MRAS: variants seen among roughly 807,000 people sequenced by gnomAD.
MRAS encodes ras-related protein M-Ras.
MRAS carries 4 observed loss-of-function variants against 20.9 expected under a neutral mutation model. That is an observed-to-expected ratio of 0.19 (90% confidence interval 0.09 to 0.44). The LOEUF (loss-of-function observed/expected upper bound fraction) is 0.44, where lower values mean the gene tolerates loss of function less well. Among genes scored for constraint, MRAS ranks in the 20% least tolerant of loss-of-function variants. MRAS has a pLI of 0.99. For missense variants in MRAS, 154 were observed against 277.5 expected (o/e 0.56, Z 3.16); for synonymous variants, 98 against 102.9 (o/e 0.95, Z 0.29).
chr3:138,396,956 C>G (rs1008032232), intron 2 of MRAS, among the ~76,000 whole-genome samples: 4 of 152,110 alleles, frequency 2.6e-5, no homozygotes, highest in Non-Finnish European at 4.4e-5. Flanking sequence ...GTTTGTAGGC[C>G]CTGCAGCAGG....
At chr3:138,380,676 A>G (rs2054882880) in intron 2 of MRAS, among the ~76,000 whole-genome samples, 1 of 152,098 alleles carries the variant, frequency 6.6e-6, no homozygotes, top group South Asian at 2.1e-4. Context: ...GATAAGTGGA[A>G]TAATATTTGT....
intron 1 of MRAS, among the ~76,000 whole-genome samples, chr3:138,369,763 G>T (rs2054635995): frequency 1.3e-5 from 2 of 152,142 alleles, no homozygotes; most frequent in African/African-American, 4.8e-5. Flanking sequence ...AAAAGGAGGG[G>T]GCCCCCACTG....
rs1249187743 is a variant in MRAS at position 138,403,189 on chromosome 3, C to T, written c.*920C>T. On this transcript the variant is annotated 3_prime_UTR_variant, in exon 6 of 6. Coordinates refer to ENST00000423968, the MANE Select transcript of MRAS (RefSeq NM_001085049.3). ...GACAGTATGGGTTAAGTTCTCTGCC[C>T]TCCCCAGGGGTCTGAGGAGGCTCTG... 6.6e-6 allele frequency: 1 copy of T among 152,190 alleles called. No homozygotes were observed. Among genetic ancestry groups the T allele is most frequent in the African/African-American group, 2.4e-5 (1 of 41,444 alleles). The allele number at this position is 152,190 out of a possible 1,614,324, so 9.4% of individuals were successfully genotyped here.
chr3:138,371,178 C>T (rs1425207569), intron 1 of MRAS, among the ~76,000 whole-genome samples: 1 of 152,168 alleles, frequency 6.6e-6, no homozygotes, highest in Non-Finnish European at 1.5e-5. Flanking sequence ...GGCAGATTTG[C>T]ACTTTCTCTG....
chr3:138,374,653 T>A (rs2054746763), intron 2 of MRAS, among the ~76,000 whole-genome samples: 1 of 152,200 alleles, frequency 6.6e-6, no homozygotes, highest in South Asian at 2.1e-4. Flanking sequence ...CTTGTCTTGT[T>A]CTTGATCTTA....
At chr3:138,348,909 C>A (rs2108484575) in intron 1 of MRAS, 142 bp downstream of exon 1, 2 of 152,202 alleles carry the variant, frequency 1.3e-5, no homozygotes, top group Middle Eastern at 6.8e-3. Flanking sequence ...GCCCTGGGAC[C>A]GGCTGTGCGT....
At chr3:138,394,915 G>T (rs980310529) in intron 2 of MRAS, among the ~76,000 whole-genome samples, 1 of 152,198 alleles carries the variant, frequency 6.6e-6, no homozygotes, top group Admixed American at 6.5e-5. Flanking sequence ...AGCATGTGTT[G>T]CCTGGATTCT....
At chr3:138,352,160 C>T (rs2054242105) in intron 1 of MRAS, among the ~76,000 whole-genome samples, 1 of 152,256 alleles carries the variant, frequency 6.6e-6, no homozygotes, top group Non-Finnish European at 1.5e-5. Context: ...CTGCCTCATG[C>T]TTCCGCAGAG....
intron 2 of MRAS, among the ~76,000 whole-genome samples, chr3:138,378,094 C>T (rs1404747542): frequency 6.6e-6 from 1 of 152,154 alleles, no homozygotes; most frequent in Non-Finnish European, 1.5e-5. Flanking sequence ...AGCTGAAGTC[C>T]CAGGAAGAAG....
chr3:138,363,526 C>T (rs556334544), intron 1 of MRAS, among the ~76,000 whole-genome samples: 2 of 152,150 alleles, frequency 1.3e-5, no homozygotes, highest in South Asian at 4.1e-4. Flanking sequence ...GCCTGCCTCC[C>T]CCACAAAATA....
At chr3:138,358,334 CA>C (rs34228309) in intron 1 of MRAS, among the ~76,000 whole-genome samples, 119 of 137,210 alleles carry the variant, frequency 8.7e-4, no homozygotes, top group African/African-American at 3.0e-3. Context: ...AAGACTCTCT[CA>C]AAAAAAAAAA....
In MRAS at chr3:138,402,611, T is replaced by G; in HGVS notation, c.*342T>G. ...AGTGTTGGTTTGATGTGGAAGTGTT[T>G]ATCCACATACAAAGTACAAAACAAG... On this transcript the variant is annotated 3_prime_UTR_variant, in exon 6 of 6. Transcript: ENST00000423968. The G allele has an allele frequency of 4.2e-6, 1 of 239,872 alleles. No individual in the cohort carries two copies. Among genetic ancestry groups the G allele is most frequent in the Non-Finnish European group, 8.0e-6 (1 of 124,328 alleles). 14.9% of individuals were successfully genotyped at this position (239,872 alleles called of 1,614,324 possible).
chr3:138,351,625 A>G (rs1266905486), intron 1 of MRAS, among the ~76,000 whole-genome samples: 1 of 152,192 alleles, frequency 6.6e-6, no homozygotes, highest in Non-Finnish European at 1.5e-5. Flanking sequence ...GCTGCAAGTA[A>G]CAAAACCCAA....
intron 2 of MRAS, among the ~76,000 whole-genome samples, chr3:138,388,817 AC>A (rs1232139061): frequency 1.3e-5 from 2 of 152,016 alleles, no homozygotes; most frequent in Admixed American, 1.3e-4. Flanking sequence ...CCCTTATTTC[AC>A]CCTGTAGGGG....
At chr3:138,353,555 A>G (rs1246386594) in intron 1 of MRAS, among the ~76,000 whole-genome samples, 1 of 152,190 alleles carries the variant, frequency 6.6e-6, no homozygotes, top group Middle Eastern at 3.2e-3. Flanking sequence ...TGAACCTTTG[A>G]CAGTCCTGCT....
chr3:138,401,477 G>A (rs77747907), intron 5 of MRAS, among the ~76,000 whole-genome samples: 2 of 152,174 alleles, frequency 1.3e-5, no homozygotes, highest in Non-Finnish European at 2.9e-5. Context: ...TGGCAGTTTT[G>A]CACTCTCAAA....
intron 5 of MRAS, 79 bp downstream of exon 5, chr3:138,400,692 C>T (rs900255868): frequency 1.1e-5 from 13 of 1,234,706 alleles, no homozygotes; most frequent in Non-Finnish European, 1.5e-5. Flanking sequence ...CTTGAGGAAG[C>T]AGCTCCTGTT....
chr3:138,400,939 C>G (rs2055347490), intron 5 of MRAS, among the ~76,000 whole-genome samples: 1 of 152,204 alleles, frequency 6.6e-6, no homozygotes, highest in South Asian at 2.1e-4. Flanking sequence ...CACACCAAAG[C>G]TTTCCACACT....
At chr3:138,350,607 G>A (rs551161553) in intron 1 of MRAS, among the ~76,000 whole-genome samples, 2 of 152,112 alleles carry the variant, frequency 1.3e-5, no homozygotes, top group Admixed American at 1.3e-4. Context: ...TGTCAGCTTC[G>A]CTCCTCCATA....
Sources: gnomAD v4.1 joint callset for allele counts (sites outside exome capture counted in the v4.1 genomes callset) on GRCh38, gnomAD v4.1.1 for gene constraint, MANE v1.5 for transcripts, NCBI Gene and HGNC (gene_info 2026-07-23, HGNC 2026-07-21) for gene names.